The following BPTF variants were observed in gnomAD, a reference collection of about 807,000 sequenced individuals.
BPTF encodes nucleosome-remodeling factor subunit BPTF.
Under a neutral mutation model 292.5 loss-of-function variants are expected in BPTF, and 18 were observed. The ratio of observed to expected loss-of-function variants is 0.06; its 90% CI spans 0.04 to 0.09. The LOEUF (loss-of-function observed/expected upper bound fraction) is 0.09. Among genes scored for constraint, BPTF ranks in the 10% least tolerant of loss-of-function variants. BPTF has a pLI of 1.00. For synonymous variants in BPTF, 1,225 were observed against 1,251.9 expected (o/e 0.98, Z 0.45); for missense variants, 2,726 against 3,498.7 (o/e 0.78, Z 5.57).
chr17:67,911,051 A>G lies in BPTF; in HGVS notation c.3167A>G (p.Lys1056Arg). The change falls in exon 11 of 28, where the codon AAA (lysine) becomes AGA (arginine). Residue 1056 changes from lysine to arginine, a missense_variant. Lys to Arg is a conservative substitution (Grantham distance 26). Coordinates refer to ENST00000306378, the MANE Select transcript of BPTF (RefSeq NM_182641.4). Reference protein sequence around the residue: ...HLRTSYKKKTKSSKLDGLLER... With the variant: ...HLRTSYKKKTRSSKLDGLLER... ...AGGACTAGTTACAAAAAGAAAACAAAATCATCCAAACTAGATGGACTTCTT... is the reference window on the plus strand; with the variant it reads ...AGGACTAGTTACAAAAAGAAAACAAGATCATCCAAACTAGATGGACTTCTT... 6.2e-7 allele frequency: 1 copy of G among 1,614,142 alleles called. No homozygotes were observed. The highest frequency in any genetic ancestry group is 8.5e-7 in the Non-Finnish European group (1 of 1,180,000).
At chr17:67,830,872 C>T (rs1259302388) in intron 1 of BPTF, among the ~76,000 whole-genome samples, 3 of 152,148 alleles carry the variant, frequency 2.0e-5, no homozygotes, top group Non-Finnish European at 2.9e-5. Flanking sequence ...CACTCCTGAA[C>T]ACCCAGAGGA....
intron 26 of BPTF, among the ~76,000 whole-genome samples, chr17:67,971,759 G>A (rs117784881): frequency 0.016 from 2,359 of 148,172 alleles, 33 homozygotes; most frequent in Non-Finnish European, 0.027. Context: ...AGCCAAGATC[G>A]TTGCGTTGCA....
chr17:67,864,016 G>T (rs2059243730), intron 2 of BPTF, among the ~76,000 whole-genome samples: 1 of 152,158 alleles, frequency 6.6e-6, no homozygotes, highest in African/African-American at 2.4e-5. Flanking sequence ...TGTGTGCCCA[G>T]TGGTAACTTC....
chr17:67,853,772 T>C (rs1488946292), intron 1 of BPTF, among the ~76,000 whole-genome samples, 168 bp from the exon 2 acceptor site: 1 of 152,200 alleles, frequency 6.6e-6, no homozygotes, highest in Non-Finnish European at 1.5e-5. Flanking sequence ...TTAGATTTTC[T>C]ATAGATTTAA....
Position 67,912,059 on chromosome 17 carries a change from A to G in BPTF, c.4175A>G (p.Asn1392Ser), listed in dbSNP as rs777389676. The G allele has an allele frequency of 1.2e-6, 2 of 1,611,040 alleles. No homozygotes were observed. Among genetic ancestry groups the G allele is most frequent in the African/African-American group, 2.7e-5 (2 of 74,624 alleles). The change falls in exon 11 of 28, where the codon AAT (asparagine) becomes AGT (serine). Residue 1392 changes from asparagine (N) to serine (S), a missense_variant. Transcript: ENST00000306378. ...ACCACTGACAAAAAGAATAATGAAA[A>G]TCGAGAGTCTGAAAAGAAAGGACAG... ...KNTTDKKNNENRESEKKGQRT... is the reference protein window; with the variant it reads ...KNTTDKKNNESRESEKKGQRT...
intron 2 of BPTF, among the ~76,000 whole-genome samples, chr17:67,857,148 ATTTTTTTTTTTT>A (rs35727338): frequency 2.2e-4 from 21 of 97,636 alleles, no homozygotes; most frequent in African/African-American, 5.3e-4. Flanking sequence ...GTCTTTAACA[ATTTTTTTTTTTT>A]TTTTTTTTTT....
intron 2 of BPTF, among the ~76,000 whole-genome samples, chr17:67,865,482 A>G (rs1210452938): frequency 3.3e-5 from 5 of 152,226 alleles, no homozygotes; most frequent in Non-Finnish European, 7.3e-5. Context: ...GGTAAATAGA[A>G]TGGCTTAGAG....
intron 19 of BPTF, among the ~76,000 whole-genome samples, chr17:67,942,591 T>C (rs2065465257): frequency 1.3e-5 from 2 of 152,144 alleles, no homozygotes; most frequent in Admixed American, 1.3e-4. Flanking sequence ...GTCAAAGCTG[T>C]GTATGCCCAA....
rs1466624879 is a variant in BPTF, at chr17:67,959,636, A to ACCAGCTCCT, written c.8028_8036dup (p.Ala2682_Pro2684dup). The stretch of plus-strand genomic sequence containing the variant: ...TAGCTGCACCCTGCCCCCCAGTGAC[A>ACCAGCTCCT]CCAGCTCCTCCAGCCCCTCCAGCCC... On this transcript the variant is annotated inframe_insertion, in exon 24 of 28. Transcript: ENST00000306378. The ACCAGCTCCT allele has an allele frequency of 1.4e-6, 2 of 1,457,432 alleles. No individual in the cohort carries two copies. The highest frequency in any genetic ancestry group is 1.8e-6 in the Non-Finnish European group (2 of 1,087,160). 90.3% of individuals were successfully genotyped at this position (1,457,432 alleles called of 1,614,324 possible).
chr17:67,862,523 G>A (rs1464011708), intron 2 of BPTF, among the ~76,000 whole-genome samples: 1 of 152,162 alleles, frequency 6.6e-6, no homozygotes, highest in Admixed American at 6.5e-5. Context: ...GGTGGGATCG[G>A]GATTTGAACC....
intron 3 of BPTF, among the ~76,000 whole-genome samples, chr17:67,868,365 C>T (rs2145529197): frequency 6.6e-6 from 1 of 152,258 alleles, no homozygotes; most frequent in South Asian, 2.1e-4. Context: ...ATGTAGCCAT[C>T]CCTCAGTATT....
intron 15 of BPTF, among the ~76,000 whole-genome samples, chr17:67,927,914 C>T (rs560902693): frequency 7.2e-4 from 109 of 151,424 alleles, no homozygotes; most frequent in African/African-American, 2.5e-3. Flanking sequence ...GAGATGGAGT[C>T]ACTCTGTCAC....
At chr17:67,949,722 A>T (rs1267574880) in intron 23 of BPTF, among the ~76,000 whole-genome samples, 2 of 151,970 alleles carry the variant, frequency 1.3e-5, no homozygotes, top group African/African-American at 4.8e-5. Flanking sequence ...TATATAATTT[A>T]CACATAATTA....
chr17:67,828,792 T>TCCCACCTGCTCA (rs1374394544), intron 1 of BPTF, among the ~76,000 whole-genome samples: 19 of 152,194 alleles, frequency 1.2e-4, no homozygotes, highest in African/African-American at 4.3e-4. Flanking sequence ...CCTCCCAAAG[T>TCCCACCTGCTCA]GCTGGGATTA....
At chr17:67,953,716 C>T (rs2066619895) in intron 23 of BPTF, among the ~76,000 whole-genome samples, 1 of 151,688 alleles carries the variant, frequency 6.6e-6, no homozygotes, top group Admixed American at 6.6e-5. Context: ...GCTGGGATTA[C>T]AGGCGTGCAC....
chr17:67,872,897 C>G (rs1277791532), intron 3 of BPTF, among the ~76,000 whole-genome samples: 1 of 151,900 alleles, frequency 6.6e-6, no homozygotes, highest in African/African-American at 2.4e-5. Context: ...GTCTGGGCAA[C>G]ATAGTGAGAC....
Position 67,854,765 on chromosome 17 carries a change from A to G in BPTF, c.1436+3A>G, listed in dbSNP as rs766150640. The G allele has an allele frequency of 6.3e-7, 1 of 1,599,308 alleles. No homozygotes were observed. Among genetic ancestry groups the G allele is most frequent in the East Asian group, 2.2e-5 (1 of 44,748 alleles). ...TTCTTGAACCGAAGACTCATAATGT[A>G]AGTAAATCTGGTCTTAATTTTTTGT... On this transcript the variant is annotated splice_donor_region_variant and intron_variant, in intron 2 of 27. Transcript: ENST00000306378. The surrounding 1 kb of genome is among the most constrained non-coding windows in gnomAD (Gnocchi z 5.6).
intron 7 of BPTF, among the ~76,000 whole-genome samples, chr17:67,894,780 C>A (rs900387199): frequency 1.3e-5 from 2 of 152,126 alleles, no homozygotes; most frequent in African/African-American, 4.8e-5. Flanking sequence ...CTTGTAGGCA[C>A]TATGCTAGGA....
chr17:67,841,462 TA>T (rs2057551131), intron 1 of BPTF, among the ~76,000 whole-genome samples: 2 of 152,166 alleles, frequency 1.3e-5, no homozygotes, highest in African/African-American at 2.4e-5. Context: ...ATAAAATTAG[TA>T]TTTTATATTA....
Sources: allele counts gnomAD v4.1 joint callset (sites outside exome capture counted in the v4.1 genomes callset), GRCh38; gene constraint gnomAD v4.1.1; non-coding constraint Gnocchi (gnomAD v3.1); transcripts MANE v1.5; gene names NCBI Gene and HGNC (gene_info 2026-07-23, HGNC 2026-07-21).